Variants in XPR1 observed in about 807,000 individuals in gnomAD.
XPR1 encodes xenotropic and polytropic retrovirus receptor 1.
In XPR1, 28 loss-of-function variants were observed where a neutral mutation model predicts 87.5. The observed-to-expected ratio is 0.32, with a 90% confidence interval of 0.24 to 0.44. The LOEUF is 0.44. Among genes scored for constraint, XPR1 ranks in the 20% least tolerant of loss-of-function variants. The pLI, the probability that XPR1 is intolerant of heterozygous loss-of-function variation, is 1.00. For missense variants in XPR1, 559 were observed against 862.3 expected (o/e 0.65, Z 4.41); for synonymous variants, 300 against 306.1 (o/e 0.98, Z 0.21).
chr1:180,659,480 TCCCTTCC>T, intron 1 of XPR1, among the ~76,000 whole-genome samples: 1 of 138,884 alleles, frequency 7.2e-6, no homozygotes, highest in Non-Finnish European at 1.5e-5. Flanking sequence ...CCTCCCTTCC[TCCCTTCC>T]TCCCTTCCTC....
Position 180,880,438 on chromosome 1 carries a change from A to C in XPR1, c.2030+141A>C. On this transcript the variant is annotated intron_variant, in intron 14 of 14. Coordinates refer to ENST00000367590, the MANE Select transcript of XPR1 (RefSeq NM_004736.4). ...TTTTCACCTACAAAAAAACAGTAAT[A>C]AGCAGCAATTCCATATGATACAACC... 5 of 844,310 alleles carry C rather than the reference A, an allele frequency of 5.9e-6. No individual in the cohort carries two copies. The South Asian group carries it at 6.8e-5, about 11-fold the overall frequency. The allele number at this position is 844,310 out of a possible 1,614,324, so 52.3% of individuals were successfully genotyped here.
chr1:180,825,185 A>G lies in XPR1; in HGVS notation c.975A>G (p.Ile325Met), dbSNP rs755272362. ...ACTAGATTGCTGGATTCCTCGGGAT[A>G]TTGTGGTGCCTGAGCCTTCTGGCAT... ...HLFEIAGFLG[I>M]LWCLSLLACF... The change falls in exon 9 of 15, where the codon ATA (isoleucine) becomes ATG (methionine). Residue 325 changes from isoleucine (I) to methionine (M), a missense_variant. By Grantham distance (10) the Ile-to-Met change is conservative (BLOSUM62 1). This residue lies in a region of XPR1 where 264 missense variants were observed against 377.2 expected (regional missense o/e 0.70). Transcript: ENST00000367590. The G allele has an allele frequency of 6.2e-7, 1 of 1,612,184 alleles. No homozygotes were observed. Among genetic ancestry groups the G allele is most frequent in the Admixed American group, 1.7e-5 (1 of 59,672 alleles).
chr1:180,849,963 A>G (rs1289740114), intron 11 of XPR1, among the ~76,000 whole-genome samples: 1 of 152,156 alleles, frequency 6.6e-6, no homozygotes, highest in Non-Finnish European at 1.5e-5. Flanking sequence ...TGTTTCTCCC[A>G]TCAGCTTTTA....
chr1:180,839,831 A>T (rs987578818), intron 11 of XPR1, among the ~76,000 whole-genome samples: 16 of 152,208 alleles, frequency 1.1e-4, no homozygotes, highest in African/African-American at 3.6e-4. Flanking sequence ...AGGTAAATAT[A>T]TGGAGATTCT....
intron 2 of XPR1, among the ~76,000 whole-genome samples, chr1:180,740,739 A>G (rs188685650): frequency 3.7e-4 from 56 of 152,268 alleles, no homozygotes; most frequent in African/African-American, 1.2e-3. Context: ...TGCCACATAG[A>G]CTGTGCCACA....
At chr1:180,708,043 CTATT>C (rs1657617615) in intron 2 of XPR1, among the ~76,000 whole-genome samples, 1 of 152,078 alleles carries the variant, frequency 6.6e-6, no homozygotes, top group South Asian at 2.1e-4. Context: ...GCTGAATAGA[CTATT>C]TAGGCACAAT....
chr1:180,739,967 C>T (rs1248231313), intron 2 of XPR1, among the ~76,000 whole-genome samples: 1 of 152,100 alleles, frequency 6.6e-6, no homozygotes, highest in Non-Finnish European at 1.5e-5. Context: ...CCACCTCAGC[C>T]TTCCAAAGTG....
At chr1:180,686,869 T>G (rs1656800352) in intron 2 of XPR1, among the ~76,000 whole-genome samples, 1 of 152,164 alleles carries the variant, frequency 6.6e-6, no homozygotes, top group Admixed American at 6.5e-5. Flanking sequence ...TCTCAAACCA[T>G]TCTGAATTAA....
intron 1 of XPR1, among the ~76,000 whole-genome samples, chr1:180,660,256 T>G (rs1208918370): frequency 6.6e-6 from 1 of 152,146 alleles, no homozygotes; most frequent in East Asian, 1.9e-4. Context: ...ATCTTCTCTT[T>G]TTTTCTTAGT....
At chr1:180,646,597 T>C (rs1655127753) in intron 1 of XPR1, among the ~76,000 whole-genome samples, 1 of 152,180 alleles carries the variant, frequency 6.6e-6, no homozygotes, top group South Asian at 2.1e-4. Flanking sequence ...TAAATGCAGC[T>C]TTCTTTTTTT....
chr1:180,762,405 A>T (rs865989336), intron 2 of XPR1, among the ~76,000 whole-genome samples: 24 of 152,218 alleles, frequency 1.6e-4, no homozygotes, highest in Non-Finnish European at 2.8e-4. Flanking sequence ...GTTAATTAAA[A>T]ATAGAAAAAC....
chr1:180,691,082 T>C (rs547957636), intron 2 of XPR1, among the ~76,000 whole-genome samples: 2 of 152,278 alleles, frequency 1.3e-5, no homozygotes, highest in South Asian at 4.1e-4. Context: ...ATACGGTATT[T>C]TTTAAAATTA....
chr1:180,711,607 A>T lies in XPR1; in HGVS notation c.121+29196A>T, dbSNP rs544441852. 1.8e-4 allele frequency among the ~76,000 whole-genome samples: 26 copies of T among 147,250 alleles called. No individual in the cohort carries two copies. In the South Asian group the frequency reaches 3.0e-3, roughly 17 times the overall value. ...TCGGCGTCAGAGGGAGACCGTGGGG[A>T]GGGGGAGAGGGAGAGGGGGGAGAGT... On this transcript the variant is annotated intron_variant, in intron 2 of 14. Coordinates refer to ENST00000367590, the MANE Select transcript of XPR1 (RefSeq NM_004736.4).
At chr1:180,729,134 C>G (rs1394134845) in intron 2 of XPR1, among the ~76,000 whole-genome samples, 1 of 152,124 alleles carries the variant, frequency 6.6e-6, no homozygotes. Context: ...GGATAATGGC[C>G]TCTAGCTCCA....
chr1:180,775,040 C>G (rs781601323), intron 2 of XPR1, among the ~76,000 whole-genome samples: 3 of 152,142 alleles, frequency 2.0e-5, no homozygotes, highest in Non-Finnish European at 2.9e-5. Context: ...TTTATAACGT[C>G]ACTAATCCCA....
At chr1:180,639,717 G>T (rs1161282232) in intron 1 of XPR1, among the ~76,000 whole-genome samples, 1 of 152,100 alleles carries the variant, frequency 6.6e-6, no homozygotes, top group Non-Finnish European at 1.5e-5. Context: ...AAACTTTTTG[G>T]TTTCAGGACC....
At chr1:180,782,877 T>C (rs1459083230) in intron 2 of XPR1, among the ~76,000 whole-genome samples, 1 of 151,948 alleles carries the variant, frequency 6.6e-6, no homozygotes, top group Non-Finnish European at 1.5e-5. Context: ...GGAAAACTCA[T>C]GTCACCTAGG....
At chr1:180,788,057 T>C (rs552202122) in intron 3 of XPR1, among the ~76,000 whole-genome samples, 1 of 152,212 alleles carries the variant, frequency 6.6e-6, no homozygotes, top group Admixed American at 6.5e-5. Context: ...CTAGAAACTC[T>C]TGCAGTCAAA....
chr1:180,858,510 A>G (rs1190057650), intron 11 of XPR1, among the ~76,000 whole-genome samples: 10 of 152,204 alleles, frequency 6.6e-5, no homozygotes, highest in Admixed American at 6.5e-4. Context: ...GTTGAGATGG[A>G]CTTAGAGAAG....
Sources: gnomAD v4.1 joint callset for allele counts (sites outside exome capture counted in the v4.1 genomes callset) on GRCh38, gnomAD v4.1.1 for gene constraint, gnomAD v4.1.1 regional missense constraint, MANE v1.5 for transcripts, NCBI Gene and HGNC (gene_info 2026-07-23, HGNC 2026-07-21) for gene names.